Variants in LRRC3B observed in about 807,000 individuals in gnomAD.
LRRC3B encodes the protein leucine rich repeat containing 3B.
A neutral mutation model predicts 12.8 loss-of-function variants in LRRC3B; 2 were observed. The ratio of observed to expected loss-of-function variants is 0.16; its 90% CI spans 0.06 to 0.49. The LOEUF is 0.49. LRRC3B is among the 20% of genes least tolerant of loss of function. The probability of loss-of-function intolerance (pLI) is 0.96; values close to 1 mark genes in which losing one functional copy is unlikely to be tolerated. For synonymous variants in LRRC3B, 132 were observed against 122.0 expected (o/e 1.08, Z -0.54); for missense variants, 189 against 319.4 (o/e 0.59, Z 3.11).
chr3:26,667,308 AT>A (rs1377925769), intron 1 of LRRC3B, among the ~76,000 whole-genome samples: 1 of 152,144 alleles, frequency 6.6e-6, no homozygotes, highest in African/African-American at 2.4e-5. Context: ...TTCTGTTAAA[AT>A]GTCTGGGTTG....
chr3:26,674,108 G>A (rs1454180791), intron 1 of LRRC3B, among the ~76,000 whole-genome samples: 1 of 152,124 alleles, frequency 6.6e-6, no homozygotes, highest in African/African-American at 2.4e-5. Flanking sequence ...CATTTTATAG[G>A]TGAGGAGAGG....
chr3:26,683,023 A>G (rs1700002334), intron 1 of LRRC3B, among the ~76,000 whole-genome samples: 1 of 152,198 alleles, frequency 6.6e-6, no homozygotes, highest in South Asian at 2.1e-4. Context: ...TAAGTCCCGG[A>G]AGCTCAATTC....
At chr3:26,701,043 C>T (rs1700440424) in intron 1 of LRRC3B, among the ~76,000 whole-genome samples, 1 of 151,974 alleles carries the variant, frequency 6.6e-6, no homozygotes, top group African/African-American at 2.4e-5. Flanking sequence ...TTAGTAAGCC[C>T]CACAATGTTG....
intron 1 of LRRC3B, among the ~76,000 whole-genome samples, chr3:26,627,953 C>T (rs1575107882): frequency 6.6e-6 from 1 of 152,092 alleles, no homozygotes; most frequent in East Asian, 1.9e-4. Flanking sequence ...GTCCTAGGAA[C>T]CACAGGAAGG....
At chr3:26,689,228 G>A (rs1250309920) in intron 1 of LRRC3B, among the ~76,000 whole-genome samples, 1 of 152,152 alleles carries the variant, frequency 6.6e-6, no homozygotes, top group Non-Finnish European at 1.5e-5. Flanking sequence ...TACATTTAAA[G>A]TGAAAAATTT....
At chr3:26,639,496 TTTAAATTAAATTAAA>T (rs5847411) in intron 1 of LRRC3B, among the ~76,000 whole-genome samples, 6 of 140,706 alleles carry the variant, frequency 4.3e-5, no homozygotes, top group African/African-American at 1.7e-4. Context: ...TTAAATTAAA[TTTAAATTAAATTAAA>T]TTAAATTAAA....
At chr3:26,689,293 C>T (rs569563761) in intron 1 of LRRC3B, among the ~76,000 whole-genome samples, 29 of 152,250 alleles carry the variant, frequency 1.9e-4, no homozygotes, top group African/African-American at 7.0e-4. Context: ...ATATTTTACC[C>T]TCATGTTTTG....
At chr3:26,623,442 G>A (rs753928632) in intron 1 of LRRC3B, among the ~76,000 whole-genome samples, 5 of 152,182 alleles carry the variant, frequency 3.3e-5, no homozygotes, top group Non-Finnish European at 7.3e-5. Context: ...CTTCGCTCCT[G>A]TTCAGCCGGC....
At chr3:26,672,848 C>T (rs556768558) in intron 1 of LRRC3B, among the ~76,000 whole-genome samples, 108 of 152,266 alleles carry the variant, frequency 7.1e-4, no homozygotes, top group African/African-American at 2.4e-3. Flanking sequence ...CTCCATAGTA[C>T]GCTTTGTTTA....
At chr3:26,677,441 G>A (rs888249333) in intron 1 of LRRC3B, among the ~76,000 whole-genome samples, 3 of 152,190 alleles carry the variant, frequency 2.0e-5, no homozygotes, top group African/African-American at 7.2e-5. Context: ...TGATCGACTT[G>A]CACTGCTGCC....
chr3:26,708,113 A>C (rs1407886384), intron 1 of LRRC3B, among the ~76,000 whole-genome samples: 1 of 152,172 alleles, frequency 6.6e-6, no homozygotes, highest in Non-Finnish European at 1.5e-5. Context: ...TCCATCTGGG[A>C]TCTTCATAAA....
intron 1 of LRRC3B, among the ~76,000 whole-genome samples, chr3:26,691,250 A>G: frequency 6.6e-6 from 1 of 151,518 alleles, no homozygotes; most frequent in East Asian, 1.9e-4. Context: ...GAAGAATCTA[A>G]ATCTGAAATC....
chr3:26,671,038 C>T (rs1370361480), intron 1 of LRRC3B, among the ~76,000 whole-genome samples: 3 of 97,392 alleles, frequency 3.1e-5, no homozygotes, highest in Admixed American at 1.4e-4. Flanking sequence ...TTTTTTGAGA[C>T]GGAGTCTCGC....
intron 1 of LRRC3B, among the ~76,000 whole-genome samples, chr3:26,626,628 C>A (rs1698631931): frequency 6.6e-6 from 1 of 152,096 alleles, no homozygotes; most frequent in Non-Finnish European, 1.5e-5. Context: ...TAGGAAAAGG[C>A]TTTTTATTTT....
At chr3:26,631,148 G>A (rs1419238344) in intron 1 of LRRC3B, among the ~76,000 whole-genome samples, 1 of 152,186 alleles carries the variant, frequency 6.6e-6, no homozygotes, top group Admixed American at 6.5e-5. Flanking sequence ...ATGCCTTTGT[G>A]AGAAATGAAA....
chr3:26,680,671 TCATAAGCCTGTG>T (rs900586473), intron 1 of LRRC3B, among the ~76,000 whole-genome samples: 30 of 152,194 alleles, frequency 2.0e-4, no homozygotes, highest in Non-Finnish European at 1.5e-5. Context: ...ACACAGAATA[TCATAAGCCTGTG>T]CATAAAATAT....
chr3:26,690,539 T>C (rs1700168991), intron 1 of LRRC3B, among the ~76,000 whole-genome samples: 2 of 152,142 alleles, frequency 1.3e-5, no homozygotes, highest in Admixed American at 1.3e-4. Context: ...TGACAAAAGC[T>C]AAGTCCCTAG....
intron 1 of LRRC3B, among the ~76,000 whole-genome samples, chr3:26,694,274 A>C (rs1219529638): frequency 6.6e-6 from 1 of 152,334 alleles, no homozygotes; most frequent in East Asian, 1.9e-4. Flanking sequence ...AAAAATAAGA[A>C]GACCTGGGGA....
At chr3:26,644,117 T>C (rs1049166155) in intron 1 of LRRC3B, among the ~76,000 whole-genome samples, 1 of 152,200 alleles carries the variant, frequency 6.6e-6, no homozygotes, top group Non-Finnish European at 1.5e-5. Flanking sequence ...TATGCAGATA[T>C]TATTTCTTAG....
Sources: gnomAD v4.1 joint callset for allele counts (sites outside exome capture counted in the v4.1 genomes callset) on GRCh38, gnomAD v4.1.1 for gene constraint, MANE v1.5 for transcripts, NCBI Gene and HGNC (gene_info 2026-07-23, HGNC 2026-07-21) for gene names.